The following PTPRO variants were observed in gnomAD, a reference collection of about 807,000 sequenced individuals.
PTPRO encodes the protein protein tyrosine phosphatase receptor type O.
PTPRO carries 62 observed loss-of-function variants against 145.2 expected under a neutral mutation model. The observed-to-expected ratio is 0.43, with a 90% CI of 0.35 to 0.53. PTPRO has a LOEUF of 0.53. Among genes scored for constraint, PTPRO ranks in the 20% least tolerant of loss-of-function variants. The pLI is 0.01. For missense variants in PTPRO, 1,345 were observed against 1,482.7 expected, an observed-to-expected ratio of 0.91 and a Z score of 1.53; for synonymous variants, 565 against 514.7, an observed-to-expected ratio of 1.10 and a Z score of -1.32.
intron 1 of PTPRO, among the ~76,000 whole-genome samples, chr12:15,382,808 A>G (rs1938903931): frequency 6.6e-6 from 1 of 152,192 alleles, no homozygotes; most frequent in African/African-American, 2.4e-5. Context: ...TCTGGCTTTT[A>G]TTATAAGTCT....
chr12:15,477,958 T>C (rs1167990131), intron 1 of PTPRO, among the ~76,000 whole-genome samples: 2 of 152,210 alleles, frequency 1.3e-5, no homozygotes, highest in Non-Finnish European at 1.5e-5. Flanking sequence ...GCCCAGGGCT[T>C]GCTCTTGGAC....
rs1943879835 is a variant in PTPRO, at chr12:15,565,663, T to C, written c.2747+35T>C. ...TCTTACTATGTCATTTAAAAGGATG[T>C]TTGTTATAATAATCTTAACGTTCCA... On this transcript the variant is annotated intron_variant, in intron 18 of 26. Transcript: ENST00000281171. 3 of 1,339,306 alleles carry C rather than the reference T, an allele frequency of 2.2e-6. No individual in the cohort carries two copies. The South Asian group carries it at 3.6e-5, about 16-fold the overall frequency. The allele number at this position is 1,339,306 out of a possible 1,614,324, so 83.0% of individuals were successfully genotyped here.
intron 19 of PTPRO, among the ~76,000 whole-genome samples, chr12:15,576,347 G>A (rs1024126270): frequency 2.0e-5 from 3 of 152,194 alleles, no homozygotes; most frequent in Non-Finnish European, 1.5e-5. Context: ...CACTTACAGT[G>A]TTCAGCCAAT....
In PTPRO at chr12:15,597,515, A is replaced by G. The variant is rs1350584839; in HGVS notation, c.*1442A>G. ...TGATCATCTTCATGAAGCCACAGATATAAGATCAGCTTAATATTTTATCAG... is the reference window on the plus strand; with the variant it reads ...TGATCATCTTCATGAAGCCACAGATGTAAGATCAGCTTAATATTTTATCAG... On this transcript the variant is annotated 3_prime_UTR_variant, in exon 27 of 27. Transcript: ENST00000281171. 6.6e-6 allele frequency: 1 copy of G among 152,222 alleles called. No homozygotes were observed. Among genetic ancestry groups the G allele is most frequent in the East Asian group, 1.9e-4 (1 of 5,192 alleles). 9.4% of individuals were successfully genotyped at this position (152,222 alleles called of 1,614,324 possible). A position where few individuals can be genotyped will look rare whatever the true frequency, so the allele number is the denominator to read the frequency against.
intron 5 of PTPRO, among the ~76,000 whole-genome samples, chr12:15,502,445 A>G (rs1346709168): frequency 6.6e-6 from 1 of 152,196 alleles, no homozygotes; most frequent in African/African-American, 2.4e-5. Flanking sequence ...TCTCATATGC[A>G]AATTTTTAAA....
At chr12:15,587,280 A>G in intron 24 of PTPRO, 2 of 541,346 alleles carry the variant, frequency 3.7e-6, no homozygotes, top group South Asian at 4.2e-5. Flanking sequence ...AATGAAAAAA[A>G]TAGAGAAGGG....
chr12:15,508,983 CT>C (rs1222785261), intron 7 of PTPRO, among the ~76,000 whole-genome samples: 2 of 152,150 alleles, frequency 1.3e-5, no homozygotes, highest in Non-Finnish European at 2.9e-5. Flanking sequence ...GGGTCATGTT[CT>C]TTTTCATTCA....
rs1378966483 is a variant in PTPRO, at chr12:15,389,126, CAG to C, written c.75+66328_75+66329del. Among the ~76,000 whole-genome samples the C allele has an allele frequency of 2.0e-4, 27 of 135,374 alleles. 1 individual carries two copies. The East Asian group carries it at 5.6e-3, about 28-fold the overall frequency. 88.8% of individuals were successfully genotyped at this position (135,374 alleles called of 152,430 possible). The stretch of plus-strand genomic sequence containing the variant: ...AGAATTTTTTTTTTTTTTTTTGAGA[CAG>C]AGTCTCACTCTGTCACCCAGGCTGG... On this transcript the variant is annotated intron_variant, in intron 1 of 26. Coordinates refer to ENST00000281171, the MANE Select transcript of PTPRO (RefSeq NM_030667.3).
At position 15,420,001 on chromosome 12, in the gene PTPRO, G is replaced by T. The variant is rs1254404631; in HGVS notation, c.76-63973G>T. 3.3e-5 allele frequency among the ~76,000 whole-genome samples: 5 copies of T among 151,520 alleles called. No homozygotes were observed. The East Asian group carries it at 5.8e-4, about 18-fold the overall frequency. On this transcript the variant is annotated intron_variant, in intron 1 of 26. Transcript: ENST00000281171. ...TCTCTACTAAAAATACAAAAAATTA[G>T]CTGGGCGCGGTGGCGGGCGCCCATA...
intron 12 of PTPRO, among the ~76,000 whole-genome samples, chr12:15,536,422 G>C (rs1591700338): frequency 2.0e-5 from 3 of 152,172 alleles, no homozygotes; most frequent in Admixed American, 2.0e-4. Context: ...CAGGTGCCCA[G>C]CTATGGAAGC....
intron 4 of PTPRO, among the ~76,000 whole-genome samples, chr12:15,500,999 C>G (rs1225245707): frequency 6.6e-6 from 1 of 152,186 alleles, no homozygotes; most frequent in East Asian, 1.9e-4. Context: ...GAAACTGTTA[C>G]AGGCAGAGAC....
chr12:15,571,119 A>G (rs1193250236), intron 19 of PTPRO, among the ~76,000 whole-genome samples: 1 of 152,206 alleles, frequency 6.6e-6, no homozygotes, highest in Non-Finnish European at 1.5e-5. Flanking sequence ...GCACAGTTTC[A>G]GGGATGACTG....
chr12:15,480,889 T>C (rs1481749043), intron 1 of PTPRO, among the ~76,000 whole-genome samples: 1 of 152,226 alleles, frequency 6.6e-6, no homozygotes, highest in Non-Finnish European at 1.5e-5. Context: ...CTCCAAAATC[T>C]CTCTGCTTTG....
intron 17 of PTPRO, among the ~76,000 whole-genome samples, chr12:15,562,780 G>T (rs1016315000): frequency 2.8e-5 from 4 of 145,386 alleles, no homozygotes; most frequent in Non-Finnish European, 6.0e-5. Context: ...CCCTCATGCT[G>T]TACTCAGGTA....
intron 1 of PTPRO, among the ~76,000 whole-genome samples, chr12:15,431,989 G>A (rs1940453120): frequency 6.6e-6 from 1 of 151,952 alleles, no homozygotes; most frequent in Admixed American, 6.6e-5. Context: ...GCTGTTTTTT[G>A]TTTTTGTTTT....
Position 15,322,718 on chromosome 12 carries a change from C to T in PTPRO, c.-9C>T, listed in dbSNP as rs574807123. On this transcript the variant is annotated 5_prime_UTR_variant, in exon 1 of 27. Coordinates refer to ENST00000281171, the MANE Select transcript of PTPRO (RefSeq NM_030667.3). This position sits in a 1 kb window ranked among gnomAD's most constrained non-coding sequence, Gnocchi z 6.3. ...GCAGCCGTGCCCCCGAGTCCCCGTC[C>T]GCGCAGCGATGGGGCACCTGCCCAC... The T allele has an allele frequency of 2.9e-5, 46 of 1,609,878 alleles. No homozygotes were observed. In the East Asian group the frequency reaches 4.2e-4, roughly 15 times the overall value.
At chr12:15,400,378 C>T (rs1383763113) in intron 1 of PTPRO, among the ~76,000 whole-genome samples, 1 of 152,186 alleles carries the variant, frequency 6.6e-6, no homozygotes, top group Non-Finnish European at 1.5e-5. Flanking sequence ...TCACCTGCTG[C>T]ACCTTGTACC....
At chr12:15,499,329 AGT>A (rs1942171047) in intron 3 of PTPRO, 111 bp from the exon 4 acceptor site, 3 of 1,049,406 alleles carry the variant, frequency 2.9e-6, no homozygotes, top group Non-Finnish European at 4.4e-6. Context: ...CCATAACAGT[AGT>A]TGAAGGAAAT....
intron 9 of PTPRO, among the ~76,000 whole-genome samples, chr12:15,519,273 GC>G (rs1942663531): frequency 1.3e-5 from 2 of 152,278 alleles, no homozygotes; most frequent in Admixed American, 1.3e-4. Context: ...GGAAAGACCT[GC>G]CCCCATGATT....
Sources: allele counts gnomAD v4.1 joint callset (sites outside exome capture counted in the v4.1 genomes callset), GRCh38; gene constraint gnomAD v4.1.1; non-coding constraint Gnocchi (gnomAD v3.1); transcripts MANE v1.5; gene names NCBI Gene and HGNC (gene_info 2026-07-23, HGNC 2026-07-21).